UCK2: variants seen among roughly 807,000 people sequenced by gnomAD.
UCK2 encodes the protein cytidine monophosphokinase 2.
UCK2 carries 6 observed loss-of-function variants against 30.8 expected under a neutral mutation model. The observed-to-expected ratio is 0.19, with a 90% CI of 0.11 to 0.38. The LOEUF (loss-of-function observed/expected upper bound fraction) is 0.38, where lower values mean the gene tolerates loss of function less well. Among genes scored for constraint, UCK2 ranks in the 10% least tolerant of loss-of-function variants. The pLI is 1.00. For missense variants in UCK2, 210 were observed against 339.8 expected (o/e 0.62, Z 3.00); for synonymous variants, 125 against 133.6 (o/e 0.94, Z 0.45).
At chr1:165,843,873 A>G (rs1654385527) in intron 1 of UCK2, among the ~76,000 whole-genome samples, 1 of 152,058 alleles carries the variant, frequency 6.6e-6, no homozygotes, top group Admixed American at 6.6e-5. Context: ...CCACTGCCTT[A>G]TTTTTTTCTT....
At chr1:165,881,378 T>A (rs1655498157) in intron 1 of UCK2, among the ~76,000 whole-genome samples, 1 of 152,124 alleles carries the variant, frequency 6.6e-6, no homozygotes, top group African/African-American at 2.4e-5. Context: ...TTTGTTTGTT[T>A]TCTATCTTGA....
At chr1:165,843,577 A>G (rs1452250709) in intron 1 of UCK2, among the ~76,000 whole-genome samples, 1 of 152,134 alleles carries the variant, frequency 6.6e-6, no homozygotes, top group Non-Finnish European at 1.5e-5. Context: ...CAGGAGTTTG[A>G]TACCAGCCTG....
chr1:165,895,232 G>A (rs1655869086), intron 3 of UCK2, among the ~76,000 whole-genome samples: 1 of 152,110 alleles, frequency 6.6e-6, no homozygotes, highest in Non-Finnish European at 1.5e-5. Flanking sequence ...TGGGCAATAT[G>A]GTAAAACCCC....
chr1:165,850,420 G>A (rs1934275), intron 1 of UCK2, among the ~76,000 whole-genome samples: 78,421 of 150,984 alleles, frequency 0.52, 21,269 homozygotes, highest in African/African-American at 0.7. Flanking sequence ...ATGAGCCACC[G>A]TGCCCGGCCT....
At chr1:165,901,515 T>C (rs905158231) in intron 4 of UCK2, among the ~76,000 whole-genome samples, 1 of 152,202 alleles carries the variant, frequency 6.6e-6, no homozygotes, top group African/African-American at 2.4e-5. Flanking sequence ...GTCACAGATA[T>C]ACCCCATGTT....
intron 1 of UCK2, among the ~76,000 whole-genome samples, chr1:165,883,323 C>G (rs955828830): frequency 6.6e-6 from 1 of 152,170 alleles, no homozygotes; most frequent in South Asian, 2.1e-4. Context: ...AAAATGCAGT[C>G]TGTGTGCCCA....
At chr1:165,864,861 A>G (rs1655011013) in intron 1 of UCK2, among the ~76,000 whole-genome samples, 1 of 151,684 alleles carries the variant, frequency 6.6e-6, no homozygotes, top group Admixed American at 6.6e-5. Context: ...TATTTTTTCT[A>G]CTTTTTGTAG....
chr1:165,865,496 T>C (rs1476763100), intron 1 of UCK2, among the ~76,000 whole-genome samples: 10 of 152,176 alleles, frequency 6.6e-5, no homozygotes, highest in Admixed American at 6.5e-4. Context: ...ATTGCTTTTT[T>C]CCCCATTTTT....
intron 1 of UCK2, among the ~76,000 whole-genome samples, chr1:165,883,292 A>T (rs1319047648): frequency 6.6e-6 from 1 of 152,210 alleles, no homozygotes; most frequent in Admixed American, 6.5e-5. Flanking sequence ...CATAGTCATG[A>T]GGAACTGCAA....
At chr1:165,905,691 C>T (rs1472240209) in intron 5 of UCK2, among the ~76,000 whole-genome samples, 1 of 152,180 alleles carries the variant, frequency 6.6e-6, no homozygotes, top group African/African-American at 2.4e-5. Context: ...TGCTTATCTT[C>T]TTTCATTCAC....
At chr1:165,827,966 G>C (rs773092577) in intron 1 of UCK2, 34 bp downstream of exon 1, 10 of 1,292,826 alleles carry the variant, frequency 7.7e-6, no homozygotes, top group Non-Finnish European at 9.9e-6. Context: ...CTCCCTTCCC[G>C]GCTTCTGTCC....
intron 1 of UCK2, among the ~76,000 whole-genome samples, chr1:165,828,891 T>G (rs1653967445): frequency 6.6e-6 from 1 of 152,128 alleles, no homozygotes; most frequent in Non-Finnish European, 1.5e-5. Context: ...ACCCTCCAAC[T>G]TCATTTGGAG....
rs567120436 is a variant in UCK2 at position 165,856,801 on chromosome 1, A to C, written c.99+28869A>C. 4.2e-4 allele frequency among the ~76,000 whole-genome samples: 64 copies of C among 152,264 alleles called. 3 individuals carry two copies. The South Asian group carries it at 0.013, about 31-fold the overall frequency. On this transcript the variant is annotated intron_variant, in intron 1 of 6. Transcript: ENST00000367879. Reference sequence around the variant, plus strand: ...TTATTGGAACACACTTCCAGAGTCAAATGTCACTCTTGGCAGCTGCAGATG... The same window carrying C: ...TTATTGGAACACACTTCCAGAGTCACATGTCACTCTTGGCAGCTGCAGATG...
intron 1 of UCK2, among the ~76,000 whole-genome samples, chr1:165,889,143 GTGT>G (rs1370332476): frequency 2.0e-5 from 3 of 152,178 alleles, no homozygotes; most frequent in African/African-American, 4.8e-5. Context: ...GATGTTGGTG[GTGT>G]TTGTGTTCCT....
chr1:165,875,296 C>G (rs927317407), intron 1 of UCK2, among the ~76,000 whole-genome samples: 6 of 152,158 alleles, frequency 3.9e-5, no homozygotes, highest in African/African-American at 1.4e-4. Context: ...AGTCAGGAAT[C>G]AAGCCAGGTC....
intron 1 of UCK2, among the ~76,000 whole-genome samples, chr1:165,850,423 C>G (rs1654559660): frequency 6.6e-6 from 1 of 151,182 alleles, no homozygotes; most frequent in South Asian, 2.1e-4. Flanking sequence ...AGCCACCGTG[C>G]CCGGCCTTAT....
At chr1:165,868,298 T>C (rs955043175) in intron 1 of UCK2, among the ~76,000 whole-genome samples, 1 of 152,242 alleles carries the variant, frequency 6.6e-6, no homozygotes, top group African/African-American at 2.4e-5. Flanking sequence ...AAATGAGCAT[T>C]GACTTCAATT....
At chr1:165,872,148 C>T (rs923023503) in intron 1 of UCK2, among the ~76,000 whole-genome samples, 2 of 152,052 alleles carry the variant, frequency 1.3e-5, no homozygotes, top group Non-Finnish European at 2.9e-5. Flanking sequence ...AATCTCAGCT[C>T]ACTGCAAACA....
At chr1:165,873,554 G>A (rs1391581235) in intron 1 of UCK2, among the ~76,000 whole-genome samples, 1 of 152,080 alleles carries the variant, frequency 6.6e-6, no homozygotes, top group Admixed American at 6.5e-5. Flanking sequence ...ATATCTTCCT[G>A]ACCTTCTCTT....
Sources: allele counts gnomAD v4.1 joint callset (sites outside exome capture counted in the v4.1 genomes callset), GRCh38; gene constraint gnomAD v4.1.1; transcripts MANE v1.5; gene names NCBI Gene and HGNC (gene_info 2026-07-23, HGNC 2026-07-21).